The following GPR137 variants were observed in gnomAD, a reference collection of about 807,000 sequenced individuals.
GPR137 encodes G protein-coupled receptor 137.
GPR137 carries 20 observed loss-of-function variants against 38.9 expected under a neutral mutation model. The ratio of observed to expected loss-of-function variants is 0.51; its 90% CI spans 0.36 to 0.75. GPR137 has a LOEUF of 0.75. GPR137 is among the 30% of genes least tolerant of loss of function. The pLI, the probability that GPR137 is intolerant of heterozygous loss-of-function variation, is 0.00. For synonymous variants in GPR137, 226 were observed against 235.8 expected, an observed-to-expected ratio of 0.96 and a Z score of 0.38; for missense variants, 456 against 526.4, an observed-to-expected ratio of 0.87 and a Z score of 1.31.
upstream of GPR137, among the ~76,000 whole-genome samples, chr11:64,274,652 C>T (rs551698014): frequency 2.6e-5 from 4 of 152,250 alleles, no homozygotes; most frequent in East Asian, 7.7e-4. Context: ...GAAACCCTGT[C>T]TCTACTAAAA....
upstream of GPR137, chr11:64,284,786 C>T: frequency 6.5e-7 from 1 of 1,530,584 alleles, no homozygotes. Context: ...GCGGGGTCAA[C>T]CCGGCCCGGC....
chr11:64,270,554 A>C (rs1374254378), exon 1 of GPR137: 1 of 725,284 alleles, frequency 1.4e-6, no homozygotes, highest in Non-Finnish European at 2.4e-6. Flanking sequence ...TCCGTGCCGG[A>C]GACGGGAAGA....
upstream of GPR137, chr11:64,284,336 C>A (rs1230177691): frequency 6.2e-7 from 1 of 1,612,790 alleles, no homozygotes; most frequent in African/African-American, 1.3e-5. Context: ...AGTCTTCCTG[C>A]TCACTCGGCT....
At chr11:64,279,435 A>T (rs887462525), upstream of GPR137, among the ~76,000 whole-genome samples, 4 of 152,106 alleles carry the variant, frequency 2.6e-5, no homozygotes, top group African/African-American at 9.7e-5. Flanking sequence ...GCCAGCTCCC[A>T]CTAGCACCCT....
upstream of GPR137, among the ~76,000 whole-genome samples, chr11:64,282,487 C>T (rs1052569771): frequency 6.6e-6 from 1 of 152,166 alleles, no homozygotes; most frequent in African/African-American, 2.4e-5. Flanking sequence ...GTGGTCCCAG[C>T]TGTTCTGGAG....
upstream of GPR137, among the ~76,000 whole-genome samples, chr11:64,274,610 C>A (rs1339210321): frequency 6.6e-6 from 1 of 152,092 alleles, no homozygotes; most frequent in Non-Finnish European, 1.5e-5. Context: ...ATCACGAGGT[C>A]AGGAGTTCGA....
chr11:64,279,714 G>C, upstream of GPR137, among the ~76,000 whole-genome samples: 1 of 140,972 alleles, frequency 7.1e-6, no homozygotes, highest in East Asian at 2.1e-4. Flanking sequence ...AGTGAGCCGA[G>C]ATCGTGCCAC....
downstream of GPR137, chr11:64,289,496 T>C (rs2034548102): frequency 1.5e-6 from 2 of 1,373,064 alleles, no homozygotes; most frequent in Admixed American, 2.7e-5. Flanking sequence ...CGCCCCACAG[T>C]TGTGCACCTG....
upstream of GPR137, chr11:64,284,641 A>G: frequency 6.5e-7 from 1 of 1,529,776 alleles, no homozygotes; most frequent in South Asian, 1.2e-5. Context: ...CCCAAGCCCG[A>G]TCTCGAGGCC....
rs1281348196 is a variant in GPR137, at chr11:64,288,600, C to G, written c.913-3C>G. The G allele has an allele frequency of 6.2e-7, 1 of 1,613,222 alleles. No individual in the cohort carries two copies. The highest frequency in any genetic ancestry group is 1.3e-5 in the African/African-American group (1 of 75,032). ...AAGTATCGATGATGGCTTCCTCCCCCAGAGCACCAGCCACATCCTCAATGG... is the reference window on the plus strand; with the variant it reads ...AAGTATCGATGATGGCTTCCTCCCCGAGAGCACCAGCCACATCCTCAATGG... On this transcript the variant is annotated splice_region_variant and splice_polypyrimidine_tract_variant and intron_variant, in intron 5 of 6. Transcript: ENST00000438980. This position sits in a 1 kb window ranked among gnomAD's most constrained non-coding sequence, Gnocchi z 5.5.
chr11:64,285,290 G>C (rs1468595545), upstream of GPR137: 18 of 985,806 alleles, frequency 1.8e-5, no homozygotes, highest in Non-Finnish European at 2.0e-5. Context: ...TGGCTGGGAT[G>C]GCTGCCCGGG....
chr11:64,284,495 C>T, upstream of GPR137: 1 of 1,576,008 alleles, frequency 6.3e-7, no homozygotes, highest in Non-Finnish European at 8.6e-7. Flanking sequence ...CCCGCCAGGC[C>T]TCCTGGGCCC....
intron 2 of GPR137, 139 bp from the exon 3 acceptor site, chr11:64,287,582 C>T (rs1001486418): frequency 1.4e-5 from 21 of 1,468,366 alleles, no homozygotes; most frequent in Non-Finnish European, 1.8e-5. Context: ...CTCAGTTTCT[C>T]CATCTGTAAG....
At chr11:64,282,942 C>T (rs1171587741), upstream of GPR137, among the ~76,000 whole-genome samples, 1 of 151,774 alleles carries the variant, frequency 6.6e-6, no homozygotes, top group Non-Finnish European at 1.5e-5. Context: ...GTCCACACAC[C>T]TGTATTCCCA....
In GPR137 at chr11:64,289,485, G is replaced by A; in HGVS notation, c.*289G>A. The A allele has an allele frequency of 7.0e-7, 1 of 1,437,132 alleles. No individual in the cohort carries two copies. Among genetic ancestry groups the A allele is most frequent in the Non-Finnish European group, 9.2e-7 (1 of 1,084,984 alleles). 89.0% of individuals were successfully genotyped at this position (1,437,132 alleles called of 1,614,324 possible). A position where few individuals can be genotyped will look rare whatever the true frequency, so the allele number is the denominator to read the frequency against. On this transcript the variant is annotated 3_prime_UTR_variant, in exon 7 of 7. Coordinates refer to ENST00000438980, the MANE Select transcript of GPR137 (RefSeq NM_001170880.2). ...GCCTGCCACTCAATAAACAGTGTCTGCGCCCCACAGTTGTGCACCTGTCTG... is the reference window on the plus strand; with the variant it reads ...GCCTGCCACTCAATAAACAGTGTCTACGCCCCACAGTTGTGCACCTGTCTG...
chr11:64,287,925 T>A lies in GPR137; in HGVS notation c.612T>A (p.Thr204=). Residue 204 remains threonine, a synonymous_variant, in exon 3 of 7, where the codon ACT becomes ACA. Coordinates refer to ENST00000438980, the MANE Select transcript of GPR137 (RefSeq NM_001170880.2). ...LCLVARRAPS[T]SIYLEAKGTS... is the part of the protein sequence containing the mutation. The stretch of plus-strand genomic sequence containing the variant: ...TCGTCGCCAGGCGGGCGCCCTCCAC[T>A]AGCATCTACCTGGAGGCCAAGGTAG... 6.2e-7 allele frequency: 1 copy of A among 1,601,712 alleles called. No individual in the cohort carries two copies.
At chr11:64,284,833 A>G (rs920518344), upstream of GPR137, 1 of 1,509,270 alleles carries the variant, frequency 6.6e-7, no homozygotes, top group African/African-American at 1.4e-5. Context: ...CCTCGTCCGC[A>G]TCCTTTTTCC....
chr11:64,280,690 C>T (rs1187450482), upstream of GPR137, among the ~76,000 whole-genome samples: 8 of 150,926 alleles, frequency 5.3e-5, no homozygotes, highest in South Asian at 1.0e-3. Flanking sequence ...TTTTTTGAGA[C>T]GGACTCTTGC....
chr11:64,271,684 TG>T, upstream of GPR137: 12 of 1,481,778 alleles, frequency 8.1e-6, no homozygotes, highest in East Asian at 5.5e-5. Flanking sequence ...GCCCAGAGGT[TG>T]GGGGGCGCCG....
Sources: gnomAD v4.1 joint callset for allele counts (sites outside exome capture counted in the v4.1 genomes callset) on GRCh38, gnomAD v4.1.1 for gene constraint, Gnocchi (gnomAD v3.1) non-coding constraint, MANE v1.5 for transcripts, NCBI Gene and HGNC (gene_info 2026-07-23, HGNC 2026-07-21) for gene names.